USP32: variants seen among roughly 807,000 people sequenced by gnomAD.
USP32 encodes ubiquitin specific peptidase 32.
Under a neutral mutation model 204.8 loss-of-function variants are expected in USP32, and 59 were observed. The ratio of observed to expected loss-of-function variants is 0.29; its 90% CI spans 0.23 to 0.36. USP32 has a LOEUF of 0.36. USP32 is among the 10% of genes least tolerant of loss of function. The pLI is 1.00. For missense variants in USP32, 1,160 were observed against 1,946.4 expected, an observed-to-expected ratio of 0.60 and a Z score of 7.60; for synonymous variants, 517 against 678.4, an observed-to-expected ratio of 0.76 and a Z score of 3.70.
intron 1 of USP32, among the ~76,000 whole-genome samples, chr17:60,356,152 TA>T (rs1460240992): frequency 5.9e-5 from 9 of 152,138 alleles, no homozygotes; most frequent in Admixed American, 5.9e-4. Flanking sequence ...GAGTTCACTC[TA>T]CAAATAAAAC....
chr17:60,231,697 A>T, intron 12 of USP32: 2 of 439,370 alleles, frequency 4.6e-6, no homozygotes. Context: ...TGATAACTAA[A>T]TAGGAAAATC....
chr17:60,305,210 C>T (rs1020817464), intron 2 of USP32: 4 of 152,276 alleles, frequency 2.6e-5, no homozygotes, highest in Admixed American at 6.5e-5. Context: ...CCTGTATAAG[C>T]ATGGCACCAG....
At chr17:60,282,153 A>G (rs1245930208) in intron 5 of USP32, among the ~76,000 whole-genome samples, 2 of 152,228 alleles carry the variant, frequency 1.3e-5, no homozygotes, top group South Asian at 2.1e-4. Flanking sequence ...CAATGCGCAC[A>G]TTGTAAGAGC....
At chr17:60,262,467 C>A (rs1348097657) in intron 9 of USP32, among the ~76,000 whole-genome samples, 1 of 152,232 alleles carries the variant, frequency 6.6e-6, no homozygotes, top group African/African-American at 2.4e-5. Flanking sequence ...GCTGGGATTA[C>A]AGGCGTGAGC....
intron 5 of USP32, among the ~76,000 whole-genome samples, chr17:60,285,865 A>C (rs1170335616): frequency 6.6e-6 from 1 of 152,168 alleles, no homozygotes; most frequent in Non-Finnish European, 1.5e-5. Flanking sequence ...GCCCAGGCAC[A>C]GTGGCTCACG....
rs150166514 is a variant in USP32 at position 60,187,793 on chromosome 17, C to T, written c.3643-2142G>A. 1.5e-3 allele frequency among the ~76,000 whole-genome samples: 234 copies of T among 152,274 alleles called. 1 individual carries two copies. Among genetic ancestry groups the T allele is most frequent in the African/African-American group, 5.2e-3 (218 of 41,550 alleles). On this transcript the variant is annotated intron_variant, in intron 29 of 33. Transcript: ENST00000300896. ...GATTCCCTTTACCTCTTGGGATCTA[C>T]GCTTAGATCCTCTACTATTGTTTAA...
chr17:60,256,373 C>A (rs1022418784), intron 9 of USP32, among the ~76,000 whole-genome samples: 6 of 152,044 alleles, frequency 3.9e-5, no homozygotes, highest in Non-Finnish European at 7.4e-5. Context: ...TTATCATGAT[C>A]ACTTTTCAAA....
intron 1 of USP32, among the ~76,000 whole-genome samples, chr17:60,366,407 T>A (rs2089314675): frequency 6.6e-6 from 1 of 152,056 alleles, no homozygotes; most frequent in Non-Finnish European, 1.5e-5. Flanking sequence ...TCTACCTGCC[T>A]CGGCCTCCCA....
chr17:60,181,322 A>T lies in USP32; in HGVS notation c.4548+2T>A, dbSNP rs2084106222. On this transcript the variant is annotated splice_donor_variant, in intron 32 of 33. Transcript: ENST00000300896. LOFTEE classifies it high-confidence loss of function. ...CTGAAAACCATATAATAAACCACTT[A>T]CCGAAATTGCATATAGATTATAAAT... The T allele has an allele frequency of 6.2e-7, 1 of 1,605,600 alleles. No individual in the cohort carries two copies. The highest frequency in any genetic ancestry group is 8.5e-7 in the Non-Finnish European group (1 of 1,175,150).
At chr17:60,189,175 T>C (rs2084318574) in intron 29 of USP32, among the ~76,000 whole-genome samples, 1 of 152,242 alleles carries the variant, frequency 6.6e-6, no homozygotes, top group African/African-American at 2.4e-5. Context: ...TCTAGAACAT[T>C]AGTTTCTCTT....
chr17:60,186,518 C>T (rs1285167395), intron 29 of USP32, among the ~76,000 whole-genome samples: 1 of 152,166 alleles, frequency 6.6e-6, no homozygotes, highest in Non-Finnish European at 1.5e-5. Context: ...TATCAGAATA[C>T]CAAGTCTATA....
intron 26 of USP32, among the ~76,000 whole-genome samples, chr17:60,198,679 A>G (rs1425543087): frequency 2.0e-5 from 3 of 152,254 alleles, no homozygotes; most frequent in Non-Finnish European, 4.4e-5. Context: ...ATTCTATCAA[A>G]TTTGGGTTTC....
At chr17:60,193,384 G>C (rs972323819) in intron 27 of USP32, among the ~76,000 whole-genome samples, 4 of 152,128 alleles carry the variant, frequency 2.6e-5, no homozygotes, top group South Asian at 4.1e-4. Flanking sequence ...TACATGCTAA[G>C]TACTGCCTTA....
intron 1 of USP32, among the ~76,000 whole-genome samples, chr17:60,409,837 TA>T (rs889227590): frequency 2.0e-5 from 3 of 152,040 alleles, no homozygotes; most frequent in East Asian, 3.9e-4. Flanking sequence ...CTCATAAGCT[TA>T]AAAAAATCAC....
intron 1 of USP32, among the ~76,000 whole-genome samples, chr17:60,400,146 G>C (rs1003532247): frequency 8.5e-5 from 13 of 152,082 alleles, no homozygotes; most frequent in Non-Finnish European, 1.6e-4. Flanking sequence ...TGTATTTTTA[G>C]TAGAAACGGG....
chr17:60,364,000 G>A (rs1156991345), intron 1 of USP32, among the ~76,000 whole-genome samples: 1 of 152,088 alleles, frequency 6.6e-6, no homozygotes, highest in Non-Finnish European at 1.5e-5. Context: ...TGCTTAATCT[G>A]TTCAGGCTGC....
chr17:60,269,685 T>C (rs2086680616), intron 6 of USP32, 128 bp from the exon 7 acceptor site: 1 of 624,938 alleles, frequency 1.6e-6, no homozygotes, highest in African/African-American at 1.9e-5. Flanking sequence ...TTATTAGTAG[T>C]TCCTAATGTT....
At chr17:60,418,641 G>A (rs1158755897) in intron 1 of USP32, among the ~76,000 whole-genome samples, 1 of 151,864 alleles carries the variant, frequency 6.6e-6, no homozygotes, top group African/African-American at 2.4e-5. Flanking sequence ...TCCAGCATCT[G>A]AAAGGAACTT....
chr17:60,296,884 C>T (rs1347235196), intron 3 of USP32, among the ~76,000 whole-genome samples: 2 of 151,980 alleles, frequency 1.3e-5, no homozygotes, highest in Non-Finnish European at 2.9e-5. Context: ...CCAAGGGGAC[C>T]CCAGAAAATC....
Sources: allele counts gnomAD v4.1 joint callset (sites outside exome capture counted in the v4.1 genomes callset), GRCh38; gene constraint gnomAD v4.1.1; transcripts MANE v1.5; gene names NCBI Gene and HGNC (gene_info 2026-07-23, HGNC 2026-07-21).